Variants in ATP1B3 observed in about 807,000 individuals in gnomAD.
The protein encoded by ATP1B3 is sodium/potassium-transporting ATPase subunit beta-3.
A neutral mutation model predicts 30.2 loss-of-function variants in ATP1B3; 10 were observed. The observed-to-expected ratio is 0.33, with a 90% CI of 0.20 to 0.56. The LOEUF (loss-of-function observed/expected upper bound fraction) is 0.56, where lower values mean the gene tolerates loss of function less well. ATP1B3 is among the 20% of genes least tolerant of loss of function. The probability of loss-of-function intolerance (pLI) is 0.90; values close to 1 mark genes in which losing one functional copy is unlikely to be tolerated. For synonymous variants in ATP1B3, 113 were observed against 117.0 expected (o/e 0.97, Z 0.22); for missense variants, 238 against 336.7 (o/e 0.71, Z 2.29).
intron 3 of ATP1B3, among the ~76,000 whole-genome samples, chr3:141,912,686 A>G (rs1245442678): frequency 6.6e-6 from 1 of 152,180 alleles, no homozygotes; most frequent in East Asian, 1.9e-4. Flanking sequence ...TGTCCACTAG[A>G]TTAAGTTAAT....
chr3:141,920,935 G>C (rs114597635), intron 5 of ATP1B3, among the ~76,000 whole-genome samples: 5 of 152,054 alleles, frequency 3.3e-5, no homozygotes, highest in African/African-American at 9.7e-5. Context: ...CCTTTCATCT[G>C]TCTCTCACCC....
chr3:141,887,118 C>T (rs1248004911), intron 1 of ATP1B3, among the ~76,000 whole-genome samples: 3 of 152,218 alleles, frequency 2.0e-5, no homozygotes, highest in African/African-American at 4.8e-5. Flanking sequence ...CAAAGGACCA[C>T]GTTATTGTTG....
intron 2 of ATP1B3, among the ~76,000 whole-genome samples, chr3:141,904,121 ATC>A (rs1934218573): frequency 1.3e-5 from 2 of 152,226 alleles, no homozygotes; most frequent in South Asian, 4.1e-4. Context: ...GTTATAGTTT[ATC>A]TTCACCATAA....
intron 4 of ATP1B3, among the ~76,000 whole-genome samples, chr3:141,914,538 C>T (rs751406327): frequency 6.6e-5 from 10 of 152,132 alleles, no homozygotes; most frequent in African/African-American, 1.4e-4. Context: ...CCCTAGCCCC[C>T]GTGCCTTGCT....
At chr3:141,893,634 A>G (rs1368838239) in intron 1 of ATP1B3, among the ~76,000 whole-genome samples, 1 of 152,090 alleles carries the variant, frequency 6.6e-6, no homozygotes, top group Non-Finnish European at 1.5e-5. Context: ...AGCTTTATTG[A>G]GGTATAATTA....
intron 1 of ATP1B3, among the ~76,000 whole-genome samples, chr3:141,890,965 TTTTG>T (rs1374557400): frequency 6.6e-6 from 1 of 152,238 alleles, no homozygotes; most frequent in Non-Finnish European, 1.5e-5. Flanking sequence ...GGACTCATCT[TTTTG>T]TTCTCTTGTC....
intron 1 of ATP1B3, among the ~76,000 whole-genome samples, chr3:141,898,042 C>T (rs1934100891): frequency 2.0e-5 from 3 of 152,148 alleles, no homozygotes; most frequent in Non-Finnish European, 2.9e-5. Flanking sequence ...AGTGGGACAA[C>T]TGGATCTTTC....
chr3:141,901,184 G>A (rs575627918), intron 1 of ATP1B3, among the ~76,000 whole-genome samples: 13 of 152,280 alleles, frequency 8.5e-5, no homozygotes, highest in African/African-American at 3.1e-4. Flanking sequence ...GGCTGTATTT[G>A]CTGTTTTCTG....
chr3:141,916,764 T>G (rs1273457860), intron 5 of ATP1B3, among the ~76,000 whole-genome samples: 1 of 152,204 alleles, frequency 6.6e-6, no homozygotes, highest in African/African-American at 2.4e-5. Flanking sequence ...TGCTCAGTGG[T>G]CTTCAAACTT....
At chr3:141,916,095 C>A in intron 5 of ATP1B3, 75 bp downstream of exon 5, 1 of 1,364,082 alleles carries the variant, frequency 7.3e-7, no homozygotes, top group South Asian at 1.3e-5. Flanking sequence ...ATGATTTAGT[C>A]ATCTTTTTTT....
chr3:141,916,989 T>TTC (rs1249373589), intron 5 of ATP1B3, among the ~76,000 whole-genome samples: 2 of 151,374 alleles, frequency 1.3e-5, no homozygotes, highest in Admixed American at 1.3e-4. Context: ...GCCTCCTGAG[T>TTC]AGCTGGGACT....
At chr3:141,920,598 T>A (rs556046870) in intron 5 of ATP1B3, among the ~76,000 whole-genome samples, 18 of 152,278 alleles carry the variant, frequency 1.2e-4, no homozygotes, top group Non-Finnish European at 2.5e-4. Context: ...AAAAATCCTT[T>A]TTTTCATTTT....
intron 1 of ATP1B3, among the ~76,000 whole-genome samples, chr3:141,901,313 CTAATT>C (rs1040650873): frequency 4.2e-4 from 64 of 152,298 alleles, no homozygotes; most frequent in African/African-American, 1.4e-3. Flanking sequence ...ATCTGAGTAA[CTAATT>C]TAACTGCCAT....
chr3:141,885,949 G>T (rs4582027), intron 1 of ATP1B3, among the ~76,000 whole-genome samples: 6,077 of 151,568 alleles, frequency 0.04, 407 homozygotes, highest in African/African-American at 0.14. Context: ...TGACCCTGGG[G>T]AAAGTGGGTC....
intron 1 of ATP1B3, among the ~76,000 whole-genome samples, chr3:141,881,994 T>C (rs1040700089): frequency 1.3e-5 from 2 of 152,202 alleles, no homozygotes; most frequent in African/African-American, 4.8e-5. Flanking sequence ...ATTGTAATTA[T>C]GGTAGTACGA....
intron 2 of ATP1B3, among the ~76,000 whole-genome samples, chr3:141,906,014 A>T (rs1934258578): frequency 6.7e-6 from 1 of 148,156 alleles, no homozygotes; most frequent in Admixed American, 6.7e-5. Flanking sequence ...TATCACATGT[A>T]CATGTAATAC....
chr3:141,903,548 T>A (rs1934206283), intron 1 of ATP1B3, 72 bp from the exon 2 acceptor site: 1 of 1,592,858 alleles, frequency 6.3e-7, no homozygotes, highest in Non-Finnish European at 8.6e-7. Context: ...TGGTTTGTTT[T>A]TTAACCTGGC....
intron 1 of ATP1B3, among the ~76,000 whole-genome samples, chr3:141,892,082 CTG>C (rs1348480342): frequency 2.0e-5 from 3 of 151,992 alleles, no homozygotes; most frequent in African/African-American, 4.8e-5. Context: ...TTTACTCAAT[CTG>C]TGGGTTTCTG....
chr3:141,903,280 A>G (rs1485492868), intron 1 of ATP1B3, among the ~76,000 whole-genome samples: 1 of 152,152 alleles, frequency 6.6e-6, no homozygotes, highest in Non-Finnish European at 1.5e-5. Context: ...ACCATCTTGT[A>G]TCTTTTTAGA....
Sources: allele counts gnomAD v4.1 joint callset (sites outside exome capture counted in the v4.1 genomes callset), GRCh38; gene constraint gnomAD v4.1.1; transcripts MANE v1.5; gene names NCBI Gene and HGNC (gene_info 2026-07-23, HGNC 2026-07-21).